Variants in FRYL observed in about 807,000 individuals in gnomAD.
The protein encoded by FRYL is protein furry homolog-like.
In FRYL, 150 loss-of-function variants were observed where a neutral mutation model predicts 351.2. The observed-to-expected ratio is 0.43, with a 90% CI of 0.37 to 0.49. The LOEUF is 0.49. Ranked by LOEUF, FRYL falls within the 20% of genes least tolerant of loss-of-function variation. The pLI is 0.00. For synonymous variants in FRYL, 1,153 were observed against 1,257.1 expected, an observed-to-expected ratio of 0.92 and a Z score of 1.75; for missense variants, 3,036 against 3,619.3, an observed-to-expected ratio of 0.84 and a Z score of 4.13.
intron 2 of FRYL, among the ~76,000 whole-genome samples, chr4:48,691,978 T>C (rs976850796): frequency 6.6e-6 from 1 of 152,214 alleles, no homozygotes; most frequent in African/African-American, 2.4e-5. Flanking sequence ...TCATGAATGT[T>C]GCTGAGCAAC....
intron 1 of FRYL, among the ~76,000 whole-genome samples, chr4:48,718,675 A>G (rs1011950345): frequency 6.6e-6 from 1 of 151,456 alleles, no homozygotes; most frequent in African/African-American, 2.4e-5. Flanking sequence ...CTTAAACTGA[A>G]AAAGGTTGCC....
At chr4:48,601,999 A>G (rs367976874) in intron 13 of FRYL, 21 bp downstream of exon 13, 43 of 1,309,614 alleles carry the variant, frequency 3.3e-5, no homozygotes, top group Non-Finnish European at 4.4e-5. Flanking sequence ...TTTACATATC[A>G]GAAGTGTGAT....
At chr4:48,734,381 G>A (rs569641108) in intron 1 of FRYL, among the ~76,000 whole-genome samples, 3 of 152,272 alleles carry the variant, frequency 2.0e-5, no homozygotes, top group East Asian at 1.9e-4. Flanking sequence ...ATGTGTGTGT[G>A]TGCCTAACAG....
chr4:48,720,778 G>A (rs777238430), intron 1 of FRYL, among the ~76,000 whole-genome samples: 18 of 152,136 alleles, frequency 1.2e-4, no homozygotes, highest in African/African-American at 3.1e-4. Flanking sequence ...TTCACTAAGC[G>A]TGATGTCCTC....
chr4:48,693,508 T>A (rs1289537361), intron 2 of FRYL, among the ~76,000 whole-genome samples: 1 of 151,924 alleles, frequency 6.6e-6, no homozygotes. Context: ...TTAATCCCTC[T>A]CAGTGGGAGA....
intron 47 of FRYL, among the ~76,000 whole-genome samples, chr4:48,537,351 T>C (rs1369078363): frequency 1.3e-5 from 2 of 152,296 alleles, no homozygotes; most frequent in East Asian, 3.9e-4. Flanking sequence ...CAGGTTAAAA[T>C]ACGATCCAAA....
intron 29 of FRYL, 93 bp from the exon 30 acceptor site, chr4:48,565,136 C>A: frequency 1.6e-6 from 1 of 608,638 alleles, no homozygotes; most frequent in African/African-American, 1.9e-5. Flanking sequence ...TATCTAGTCA[C>A]AATACTTTAA....
intron 55 of FRYL, among the ~76,000 whole-genome samples, chr4:48,519,064 T>G (rs1438343453): frequency 1.3e-5 from 2 of 152,256 alleles, no homozygotes; most frequent in Non-Finnish European, 2.9e-5. Context: ...TGCTTGTTAC[T>G]TAATAGGTAT....
At chr4:48,731,255 T>C (rs1770691595) in intron 1 of FRYL, among the ~76,000 whole-genome samples, 1 of 151,988 alleles carries the variant, frequency 6.6e-6, no homozygotes, top group Admixed American at 6.6e-5. Flanking sequence ...GACTTAAGAC[T>C]CCCACACAAT....
chr4:48,571,793 G>T, intron 26 of FRYL: 1 of 977,888 alleles, frequency 1.0e-6, no homozygotes, highest in African/African-American at 1.7e-5. Flanking sequence ...AGTTTGGTTG[G>T]CCTGTTTTCA....
At chr4:48,749,171 G>C (rs1275349975) in intron 1 of FRYL, among the ~76,000 whole-genome samples, 1 of 152,202 alleles carries the variant, frequency 6.6e-6, no homozygotes, top group Non-Finnish European at 1.5e-5. Flanking sequence ...GCAGGGCGGA[G>C]AGCAGGTAAT....
intron 26 of FRYL, among the ~76,000 whole-genome samples, chr4:48,571,531 C>T (rs1349336845): frequency 6.6e-6 from 1 of 152,188 alleles, no homozygotes; most frequent in Non-Finnish European, 1.5e-5. Flanking sequence ...ATATCACCTT[C>T]TACTATAGGT....
Position 48,528,041 on chromosome 4 carries a change from C to T in FRYL, c.7070G>A (p.Arg2357Lys), listed in dbSNP as rs1351108879. The T allele has an allele frequency of 1.3e-6, 2 of 1,568,776 alleles. No homozygotes were observed. Among genetic ancestry groups the T allele is most frequent in the South Asian group, 1.2e-5 (1 of 82,872 alleles). ...SWKRPQLSQR[R>K]TREKLMNVLS... ...CACATTCATTAGCTTTTCTCTTGTTCTTCGCTAAAGGAAAAAAAAAAATTA... is the reference window on the plus strand; with the variant it reads ...CACATTCATTAGCTTTTCTCTTGTTTTTCGCTAAAGGAAAAAAAAAAATTA... The change falls in exon 52 of 64, where the codon AGA becomes AAA. Residue 2357 changes from arginine to lysine, a missense_variant. Transcript: ENST00000358350.
chr4:48,530,881 G>A (rs1199648871), intron 50 of FRYL, among the ~76,000 whole-genome samples: 2 of 152,168 alleles, frequency 1.3e-5, no homozygotes, highest in African/African-American at 2.4e-5. Flanking sequence ...CCAGCCGAGT[G>A]TTGATTACTA....
chr4:48,638,957 G>C (rs934652122), intron 3 of FRYL, among the ~76,000 whole-genome samples: 11 of 152,066 alleles, frequency 7.2e-5, no homozygotes, highest in Non-Finnish European at 1.5e-4. Flanking sequence ...GGCCTGTTGT[G>C]GGGTGGGAGG....
intron 53 of FRYL, among the ~76,000 whole-genome samples, chr4:48,526,825 C>T (rs906534793): frequency 1.3e-5 from 2 of 152,092 alleles, no homozygotes; most frequent in African/African-American, 4.8e-5. Context: ...CAGACTAAAT[C>T]AATTTAGAAG....
chr4:48,501,991 A>T (rs1416389054), intron 61 of FRYL, among the ~76,000 whole-genome samples: 1 of 152,240 alleles, frequency 6.6e-6, no homozygotes, highest in East Asian at 1.9e-4. Flanking sequence ...CTGTTTCAGC[A>T]GGCAATTAAT....
Position 48,735,942 on chromosome 4 carries a change from G to A in FRYL, c.-383-25244C>T, listed in dbSNP as rs1461294651. On this transcript the variant is annotated intron_variant, in intron 1 of 63. Transcript: ENST00000358350. ...CATATGTAACTAACCTGCACAATGT[G>A]CACATGTACCCTAAAACTTAGAGTA... is the stretch of plus-strand genomic sequence containing the variant. Among the ~76,000 whole-genome samples, 3 of 94,472 alleles carry A rather than the reference G, an allele frequency of 3.2e-5. No homozygotes were observed. The Admixed American group carries it at 4.3e-4, about 13-fold the overall frequency. The allele number at this position is 94,472 out of a possible 152,430, so 62.0% of individuals were successfully genotyped here.
intron 53 of FRYL, 112 bp from the exon 54 acceptor site, chr4:48,523,216 A>G: frequency 9.0e-6 from 6 of 666,644 alleles, no homozygotes. Flanking sequence ...ATGCATCATT[A>G]AAAGCAGAGT....
Sources: gnomAD v4.1 joint callset for allele counts (sites outside exome capture counted in the v4.1 genomes callset) on GRCh38, gnomAD v4.1.1 for gene constraint, MANE v1.5 for transcripts, NCBI Gene and HGNC (gene_info 2026-07-23, HGNC 2026-07-21) for gene names.